Variants in SCAMP3 observed in about 807,000 individuals in gnomAD.
SCAMP3 encodes the protein secretory carrier membrane protein 3.
Under a neutral mutation model 44.1 loss-of-function variants are expected in SCAMP3, and 30 were observed. That is an observed-to-expected ratio of 0.68 (90% CI 0.51 to 0.92). The LOEUF is 0.92. Among genes scored for constraint, SCAMP3 ranks in the 40% least tolerant of loss-of-function variants. The pLI is 0.00. For missense variants in SCAMP3, 394 were observed against 440.0 expected, an observed-to-expected ratio of 0.90 and a Z score of 0.93; for synonymous variants, 168 against 171.1, an observed-to-expected ratio of 0.98 and a Z score of 0.14.
intron 7 of SCAMP3, 74 bp from the exon 8 acceptor site, chr1:155,256,865 G>C (rs567597897): frequency 8.3e-7 from 1 of 1,202,924 alleles, no homozygotes; most frequent in East Asian, 2.4e-5. Context: ...AGCATCCCCT[G>C]TTCCTACCCT....
Position 155,256,688 on chromosome 1 carries a change from C to G in SCAMP3, c.883G>C (p.Val295Leu). The G allele has an allele frequency of 6.2e-7, 1 of 1,614,108 alleles. No homozygotes were observed. The highest frequency in any genetic ancestry group is 8.5e-7 in the Non-Finnish European group (1 of 1,179,912). ...ACAGCCCTCACCCGTTTCAGCATGACAATTCCTAGCACAGCAATGCCAGTG... is the reference window on the plus strand; with the variant it reads ...ACAGCCCTCACCCGTTTCAGCATGAGAATTCCTAGCACAGCAATGCCAGTG... The part of the protein sequence containing the change: ...LFTGIAVLGI[V>L]MLKRIHSLYR... The change falls in exon 8 of 9, where the codon GTC (valine) becomes CTC (leucine). Residue 295 changes from valine (V) to leucine (L), a missense_variant. Coordinates refer to ENST00000302631, the MANE Select transcript of SCAMP3 (RefSeq NM_005698.4).
chr1:155,258,685 A>G, intron 5 of SCAMP3, 141 bp downstream of exon 5: 1 of 750,786 alleles, frequency 1.3e-6, no homozygotes, highest in East Asian at 2.7e-5. Context: ...GGACAATAAA[A>G]AGTGGGGAGA....
In SCAMP3 at chr1:155,260,632, G is replaced by C. The variant is rs755155664; in HGVS notation, c.172C>G (p.Pro58Ala). The C allele has an allele frequency of 1.2e-6, 2 of 1,613,474 alleles. No individual in the cohort carries two copies. Among genetic ancestry groups the C allele is most frequent in the East Asian group, 4.5e-5 (2 of 44,882 alleles). The change falls in exon 3 of 9, where the codon CCT becomes GCT. Residue 58 changes from proline to alanine, a missense_variant. Pro to Ala is a conservative substitution (Grantham distance 27). Coordinates refer to ENST00000302631, the MANE Select transcript of SCAMP3 (RefSeq NM_005698.4). ...EPPPAYEPPA[P>A]APLPPPSAPS... Reference sequence around the variant, plus strand: ...GCTGAGGGTGGAGGCAATGGGGCAGGGGCTGGAGGCTCATAGGCTGGTGGT... The same window carrying C: ...GCTGAGGGTGGAGGCAATGGGGCAGCGGCTGGAGGCTCATAGGCTGGTGGT...
rs751039504 is a variant in SCAMP3 at position 155,256,331 on chromosome 1, C to T, written c.986G>A (p.Arg329Gln). The change falls in exon 9 of 9, where the codon CGA becomes CAA. Residue 329 changes from arginine to glutamine, a missense_variant. Physicochemically the swap from Arg to Gln is conservative, Grantham distance 43. Coordinates refer to ENST00000302631, the MANE Select transcript of SCAMP3 (RefSeq NM_005698.4). ...AAGVFSNPAV[R>Q]TAAANAAAGA... ...AGCGGCTGCATTGGCAGCTGCGGTT[C>T]GCACCGCAGGGTTGGAGAAGACACC... 7.5e-6 allele frequency: 12 copies of T among 1,604,996 alleles called. No homozygotes were observed. The highest frequency in any genetic ancestry group is 7.7e-6 in the Non-Finnish European group (9 of 1,173,614).
At chr1:155,260,112 C>A (rs1309062039) in intron 4 of SCAMP3, among the ~76,000 whole-genome samples, 2 of 152,068 alleles carry the variant, frequency 1.3e-5, no homozygotes, top group Non-Finnish European at 2.9e-5. Flanking sequence ...CCACCATGCC[C>A]AGCTAATTTT....
rs76089501 is a variant in SCAMP3, at chr1:155,256,780, G to C, written c.791C>G (p.Ser264Cys). The change falls in exon 8 of 9, where the codon TCT (serine) becomes TGT (cysteine). Residue 264 changes from serine (S) to cysteine (C), a missense_variant. Ser to Cys is a moderately radical substitution (Grantham distance 112). Transcript: ENST00000302631. ...IPGWGFSGWI[S>C]ALVVPKGNTA... The stretch of plus-strand genomic sequence containing the variant: ...GTTGCCCTTCGGCACCACCAGAGCA[G>C]AGATCCAGCCACTGTAAAGGGAAGG... The C allele has an allele frequency of 1.5e-4, 239 of 1,614,016 alleles. 2 individuals are homozygous for C. The East Asian group carries it at 5.1e-3, about 35-fold the overall frequency.
rs1672836666 is a variant in SCAMP3 at position 155,257,495 on chromosome 1, T to C, written c.677+3A>G. ...ATCACTCTCCCACCACTAACACACTTACCGGAAAGCCTTATACATGGGGCG... is the reference window on the plus strand; with the variant it reads ...ATCACTCTCCCACCACTAACACACTCACCGGAAAGCCTTATACATGGGGCG... On this transcript the variant is annotated splice_donor_region_variant and intron_variant, in intron 6 of 8. Transcript: ENST00000302631. The C allele has an allele frequency of 6.2e-7, 1 of 1,613,394 alleles. No individual in the cohort carries two copies. Among genetic ancestry groups the C allele is most frequent in the Admixed American group, 1.7e-5 (1 of 59,894 alleles).
In SCAMP3 at chr1:155,256,276, C is replaced by T. The variant is rs1365642282; in HGVS notation, c.1041G>A (p.Pro347=). 3.2e-6 allele frequency: 5 copies of T among 1,568,102 alleles called. No homozygotes were observed. The highest frequency in any genetic ancestry group is 2.3e-5 in the East Asian group (1 of 44,020). ...GCCAGGGCATCCCAGTCAGGGGTCACGGGGCCCGGAAGGCATTTTCAGCAG... is the reference window on the plus strand; with the variant it reads ...GCCAGGGCATCCCAGTCAGGGGTCATGGGGCCCGGAAGGCATTTTCAGCAG... ...AGAAENAFRA[P] is the part of the protein sequence containing the mutation. The change falls in exon 9 of 9, where the codon CCG becomes CCA. Residue 347 remains proline (P), a synonymous_variant. Transcript: ENST00000302631.
chr1:155,256,447 G>C lies in SCAMP3; in HGVS notation c.898-28C>G, dbSNP rs201406357. 5 of 1,554,356 alleles carry C rather than the reference G, an allele frequency of 3.2e-6. No individual in the cohort carries two copies. In the Admixed American group the frequency reaches 9.2e-5, roughly 29 times the overall value. On this transcript the variant is annotated intron_variant, in intron 8 of 8. Coordinates refer to ENST00000302631, the MANE Select transcript of SCAMP3 (RefSeq NM_005698.4). ...GCAAGTAGAGGACAAAGACATTACC[G>C]CCCATTCCAGCCACTGGTTCCCCAC...
At chr1:155,257,216 TC>T in intron 7 of SCAMP3, 68 bp downstream of exon 7, 3 of 1,037,844 alleles carry the variant, frequency 2.9e-6, no homozygotes, top group Non-Finnish European at 3.0e-6. Flanking sequence ...TCTGAACAAC[TC>T]CTATCCCAGC....
chr1:155,256,873 C>A (rs1462825268), intron 7 of SCAMP3, 82 bp from the exon 8 acceptor site: 3 of 1,108,030 alleles, frequency 2.7e-6, no homozygotes, highest in Non-Finnish European at 4.1e-6. Flanking sequence ...CTGTTCCTAC[C>A]CTTCCCATCA....
At position 155,255,984 on chromosome 1, in the gene SCAMP3, G is replaced by A; in HGVS notation, c.*289C>T. The A allele has an allele frequency of 2.7e-6, 1 of 370,764 alleles. No individual in the cohort carries two copies. 23.0% of individuals were successfully genotyped at this position (370,764 alleles called of 1,614,324 possible). ...GAAGATTCAGGAAACGGGGATGTCA[G>A]TTCCAGTTCCACTTTCTTTTTATTT... On this transcript the variant is annotated 3_prime_UTR_variant, in exon 9 of 9. Coordinates refer to ENST00000302631, the MANE Select transcript of SCAMP3 (RefSeq NM_005698.4). This position sits in a 1 kb window ranked among gnomAD's most constrained non-coding sequence, Gnocchi z 5.6.
chr1:155,261,977 GC>G, intron 1 of SCAMP3, 108 bp downstream of exon 1: 1 of 1,146,302 alleles, frequency 8.7e-7, no homozygotes, highest in Non-Finnish European at 1.3e-6. Context: ...CCACGTGGCG[GC>G]TCTTCCCAGG....
chr1:155,257,936 C>T (rs557799151), intron 5 of SCAMP3, among the ~76,000 whole-genome samples: 7 of 152,210 alleles, frequency 4.6e-5, no homozygotes, highest in African/African-American at 7.2e-5. Context: ...GCTCCGCCTC[C>T]CCGGTTCACG....
chr1:155,259,914 A>T (rs745520987), intron 4 of SCAMP3, among the ~76,000 whole-genome samples: 1 of 151,918 alleles, frequency 6.6e-6, no homozygotes, highest in African/African-American at 2.4e-5. Context: ...AGTATCTCTA[A>T]AATTCAAACT....
At chr1:155,258,980 A>C in intron 4 of SCAMP3, 26 bp from the exon 5 acceptor site, 1 of 1,592,842 alleles carries the variant, frequency 6.3e-7, no homozygotes, top group Non-Finnish European at 8.5e-7. Flanking sequence ...AAACAGGTGG[A>C]CCCCAGAAGT....
At position 155,262,244 on chromosome 1, in the gene SCAMP3, C is replaced by T. The variant is rs565986735; in HGVS notation, c.-93G>A. 3 of 1,141,032 alleles carry T rather than the reference C, an allele frequency of 2.6e-6. No individual in the cohort carries two copies. The highest frequency in any genetic ancestry group is 1.5e-5 in the African/African-American group (1 of 65,384). The allele number at this position is 1,141,032 out of a possible 1,614,324, so 70.7% of individuals were successfully genotyped here. A position where few individuals can be genotyped will look rare whatever the true frequency, so the allele number is the denominator to read the frequency against. On this transcript the variant is annotated 5_prime_UTR_variant, in exon 1 of 9. Transcript: ENST00000302631. Reference sequence around the variant, plus strand: ...AGCCCTCAGAGTCCACTTCACTCGCCTCAGTTCGCCCCGCTTCTCTGTGCA... The same window carrying T: ...AGCCCTCAGAGTCCACTTCACTCGCTTCAGTTCGCCCCGCTTCTCTGTGCA...
In SCAMP3 at chr1:155,256,030, G is replaced by A. The variant is rs912394771; in HGVS notation, c.*243C>T. On this transcript the variant is annotated 3_prime_UTR_variant, in exon 9 of 9. Transcript: ENST00000302631. ...TATTTAAATAACCGAAGCAACAGCC[G>A]TGGCACAGCAGAGGGAAGCTGGGTT... is the stretch of plus-strand genomic sequence containing the variant. 1.7e-5 allele frequency: 7 copies of A among 404,880 alleles called. No individual in the cohort carries two copies. Among genetic ancestry groups the A allele is most frequent in the Non-Finnish European group, 2.2e-5 (5 of 227,918 alleles). The allele number at this position is 404,880 out of a possible 1,614,324, so 25.1% of individuals were successfully genotyped here.
At chr1:155,260,250 A>G in intron 4 of SCAMP3, 80 bp downstream of exon 4, 2 of 1,562,564 alleles carry the variant, frequency 1.3e-6, no homozygotes, top group South Asian at 1.1e-5. Context: ...GAGCCACCGC[A>G]CCCAGCCGAG....
Sources: allele counts gnomAD v4.1 joint callset (sites outside exome capture counted in the v4.1 genomes callset), GRCh38; gene constraint gnomAD v4.1.1; non-coding constraint Gnocchi (gnomAD v3.1); transcripts MANE v1.5; gene names NCBI Gene and HGNC (gene_info 2026-07-23, HGNC 2026-07-21).